Variants in XRCC4 observed in about 807,000 individuals in gnomAD.
XRCC4 encodes the protein X-ray repair cross complementing 4.
XRCC4 carries 28 observed loss-of-function variants against 39.1 expected under a neutral mutation model. The ratio of observed to expected loss-of-function variants is 0.72; its 90% confidence interval spans 0.53 to 0.98. The LOEUF (loss-of-function observed/expected upper bound fraction) is 0.98. Ranked by LOEUF, XRCC4 falls within the 50% of genes least tolerant of loss-of-function variation. XRCC4 has a pLI of 0.00. For missense variants in XRCC4, 350 were observed against 376.4 expected (o/e 0.93, Z 0.58); for synonymous variants, 123 against 126.4 (o/e 0.97, Z 0.18).
intron 1 of XRCC4, among the ~76,000 whole-genome samples, chr5:83,092,278 A>T (rs544822836): frequency 6.6e-6 from 1 of 152,026 alleles, no homozygotes; most frequent in Non-Finnish European, 1.5e-5. Context: ...AAATATATGG[A>T]CTGCAGATAT....
intron 3 of XRCC4, among the ~76,000 whole-genome samples, chr5:83,113,625 T>TC (rs1384409768): frequency 7.6e-6 from 1 of 130,816 alleles, no homozygotes; most frequent in East Asian, 7.3e-4. Flanking sequence ...ATTTCTTTCT[T>TC]TTTTTTTTTT....
chr5:83,355,720 A>G (rs1204012564), downstream of XRCC4, among the ~76,000 whole-genome samples: 3 of 152,102 alleles, frequency 2.0e-5, no homozygotes, highest in Admixed American at 2.0e-4. Flanking sequence ...GCTCACTGCA[A>G]CCTCTGCCTC....
At chr5:83,223,788 C>T (rs1479028561) in intron 6 of XRCC4, among the ~76,000 whole-genome samples, 1 of 151,092 alleles carries the variant, frequency 6.6e-6, no homozygotes, top group Non-Finnish European at 1.5e-5. Flanking sequence ...CCCATTAACT[C>T]GTCATTTACA....
chr5:83,108,465 G>T (rs1746300630), intron 2 of XRCC4, among the ~76,000 whole-genome samples: 1 of 151,672 alleles, frequency 6.6e-6, no homozygotes, highest in Admixed American at 6.6e-5. Flanking sequence ...ATTAGGAGAG[G>T]AAAATAAGAG....
chr5:83,320,129 T>G (rs1756005655), intron 7 of XRCC4, among the ~76,000 whole-genome samples: 1 of 138,044 alleles, frequency 7.2e-6, no homozygotes, highest in East Asian at 2.3e-4. Flanking sequence ...ACACCGCATA[T>G]TCTCACTCAT....
intron 6 of XRCC4, among the ~76,000 whole-genome samples, chr5:83,207,293 T>C (rs1233947934): frequency 6.6e-6 from 1 of 152,102 alleles, no homozygotes; most frequent in Non-Finnish European, 1.5e-5. Flanking sequence ...TTTTATGTGT[T>C]CAGTCTATTT....
intron 1 of XRCC4, among the ~76,000 whole-genome samples, chr5:83,078,726 T>A (rs1465490303): frequency 6.6e-6 from 1 of 152,236 alleles, no homozygotes; most frequent in East Asian, 1.9e-4. Context: ...GGGTGCCTGC[T>A]TTATTCATGG....
intron 1 of XRCC4, among the ~76,000 whole-genome samples, chr5:83,098,051 A>C (rs1745760991): frequency 6.6e-6 from 1 of 152,076 alleles, no homozygotes; most frequent in Non-Finnish European, 1.5e-5. Flanking sequence ...GAGGAAGTGA[A>C]ATTTATGTTT....
chr5:83,303,556 T>A (rs761662503), intron 7 of XRCC4, among the ~76,000 whole-genome samples: 11 of 152,146 alleles, frequency 7.2e-5, no homozygotes, highest in Non-Finnish European at 1.5e-4. Flanking sequence ...TTTACAATTC[T>A]TCCAAATTGT....
chr5:83,173,233 C>G (rs1189880709), intron 3 of XRCC4, among the ~76,000 whole-genome samples: 1 of 152,012 alleles, frequency 6.6e-6, no homozygotes, highest in Non-Finnish European at 1.5e-5. Context: ...CATTGCCAGT[C>G]TTGATGTTGG....
intron 6 of XRCC4, among the ~76,000 whole-genome samples, chr5:83,224,535 AATTG>A (rs1460594835): frequency 6.6e-6 from 1 of 152,162 alleles, no homozygotes; most frequent in African/African-American, 2.4e-5. Context: ...CTGGAGATAT[AATTG>A]ATTTATCCAG....
intron 3 of XRCC4, among the ~76,000 whole-genome samples, chr5:83,114,006 A>C (rs1746583473): frequency 6.6e-6 from 1 of 152,218 alleles, no homozygotes; most frequent in Non-Finnish European, 1.5e-5. Flanking sequence ...TCGCAGGCTC[A>C]ACACCATATG....
chr5:83,166,857 G>A (rs1206775195), intron 3 of XRCC4, among the ~76,000 whole-genome samples: 1 of 151,894 alleles, frequency 6.6e-6, no homozygotes, highest in Non-Finnish European at 1.5e-5. Context: ...AGTGGTGCGA[G>A]ATAGTATCTC....
chr5:83,292,263 A>G (rs1754947283), intron 7 of XRCC4, among the ~76,000 whole-genome samples: 2 of 151,828 alleles, frequency 1.3e-5, no homozygotes, highest in African/African-American at 4.8e-5. Flanking sequence ...TTGAACCAAC[A>G]TTTTCCAAAT....
downstream of XRCC4, among the ~76,000 whole-genome samples, chr5:83,355,487 G>T (rs574212588): frequency 4.9e-4 from 75 of 152,250 alleles, no homozygotes; most frequent in African/African-American, 1.4e-3. Flanking sequence ...GTAGGCACTC[G>T]AAAGTTTCTT....
intron 3 of XRCC4, among the ~76,000 whole-genome samples, chr5:83,191,349 G>T (rs113779383): frequency 6.6e-6 from 1 of 152,076 alleles, no homozygotes; most frequent in African/African-American, 2.4e-5. Flanking sequence ...GAATTACAGG[G>T]GCAGGTCTTT....
chr5:83,323,478 T>A (rs903896201), intron 7 of XRCC4, among the ~76,000 whole-genome samples: 2 of 152,104 alleles, frequency 1.3e-5, no homozygotes, highest in Non-Finnish European at 1.5e-5. Flanking sequence ...TACCATACTT[T>A]AATCAGTTGG....
At chr5:83,289,469 TC>T (rs1754842011) in intron 7 of XRCC4, among the ~76,000 whole-genome samples, 1 of 151,864 alleles carries the variant, frequency 6.6e-6, no homozygotes, top group Non-Finnish European at 1.5e-5. Flanking sequence ...AGCTTCAAAC[TC>T]CCTCCTGTTG....
intron 7 of XRCC4, among the ~76,000 whole-genome samples, chr5:83,309,303 A>ATATATATATATATATATATG (rs1755619086): frequency 8.4e-6 from 1 of 119,292 alleles, no homozygotes; most frequent in African/African-American, 3.0e-5. Context: ...AAAAATATAT[A>ATATATATATATATATATATG]TATATATATA....
Sources: allele counts gnomAD v4.1 joint callset (sites outside exome capture counted in the v4.1 genomes callset), GRCh38; gene constraint gnomAD v4.1.1; transcripts MANE v1.5; gene names NCBI Gene and HGNC (gene_info 2026-07-23, HGNC 2026-07-21).